Variants in DNAH11 observed in about 807,000 individuals in gnomAD.
DNAH11 encodes axonemal beta dynein heavy chain 11.
A neutral mutation model predicts 526.0 loss-of-function variants in DNAH11; 442 were observed. The ratio of observed to expected loss-of-function variants is 0.84; its 90% CI spans 0.78 to 0.91. The LOEUF (loss-of-function observed/expected upper bound fraction) is 0.91. Among genes scored for constraint, DNAH11 ranks in the 40% least tolerant of loss-of-function variants. The pLI is 0.00. For synonymous variants in DNAH11, 2,461 were observed against 1,935.9 expected (o/e 1.27, Z -7.12); for missense variants, 6,989 against 5,448.7 (o/e 1.28, Z -8.90).
intron 66 of DNAH11, among the ~76,000 whole-genome samples, chr7:21,849,355 C>G (rs1446274866): frequency 1.3e-5 from 2 of 152,212 alleles, no homozygotes; most frequent in African/African-American, 4.8e-5. Context: ...TTTGAACAGA[C>G]AGCTCAATTA....
At chr7:21,703,871 T>C (rs1583609864) in intron 37 of DNAH11, 1 of 152,330 alleles carries the variant, frequency 6.6e-6, no homozygotes, top group South Asian at 2.1e-4. Context: ...CTTAATTTCC[T>C]CGTAATTTAG....
chr7:21,716,960 A>G (rs1271713906), intron 42 of DNAH11, among the ~76,000 whole-genome samples: 2 of 152,144 alleles, frequency 1.3e-5, no homozygotes, highest in Non-Finnish European at 2.9e-5. Context: ...TGCAAGGTGT[A>G]GCTGAAATTG....
intron 14 of DNAH11, among the ~76,000 whole-genome samples, chr7:21,595,507 C>T (rs931879506): frequency 6.6e-6 from 1 of 152,046 alleles, no homozygotes; most frequent in Non-Finnish European, 1.5e-5. Flanking sequence ...GGATGTGGAG[C>T]ACGAAAGAAA....
intron 34 of DNAH11, among the ~76,000 whole-genome samples, chr7:21,688,708 C>G (rs1783487753): frequency 6.6e-6 from 1 of 152,224 alleles, no homozygotes. Flanking sequence ...CCTTCATGTT[C>G]TTGCAGTAAC....
chr7:21,621,272 GA>G (rs1196909448), intron 25 of DNAH11, among the ~76,000 whole-genome samples: 2 of 152,128 alleles, frequency 1.3e-5, no homozygotes, highest in African/African-American at 4.8e-5. Context: ...ACTAAACCAG[GA>G]AGAAGTTGAC....
At chr7:21,769,072 G>C (rs1436788100) in intron 55 of DNAH11, among the ~76,000 whole-genome samples, 1 of 117,358 alleles carries the variant, frequency 8.5e-6, no homozygotes, top group Non-Finnish European at 1.7e-5. Context: ...AGTAGAAATT[G>C]TGTGAATTTG....
chr7:21,649,258 A>G (rs1194083234), intron 28 of DNAH11, among the ~76,000 whole-genome samples: 1 of 152,208 alleles, frequency 6.6e-6, no homozygotes, highest in African/African-American at 2.4e-5. Flanking sequence ...GGAATATATC[A>G]TACATTTTTA....
chr7:21,674,652 TC>T (rs1283146706), intron 30 of DNAH11, among the ~76,000 whole-genome samples: 1 of 152,052 alleles, frequency 6.6e-6, no homozygotes, highest in Non-Finnish European at 1.5e-5. Context: ...TTTCTTTTCC[TC>T]TTTTCTTTTT....
chr7:21,860,749 A>T (rs1487160373), intron 68 of DNAH11, among the ~76,000 whole-genome samples: 3 of 152,196 alleles, frequency 2.0e-5, no homozygotes, highest in Non-Finnish European at 4.4e-5. Flanking sequence ...AGTGCTGATA[A>T]AGACATACCC....
At chr7:21,555,735 T>C (rs1057455718) in intron 2 of DNAH11, among the ~76,000 whole-genome samples, 3 of 152,202 alleles carry the variant, frequency 2.0e-5, no homozygotes, top group African/African-American at 7.2e-5. Context: ...TTGCCTCCAC[T>C]GCCTCCTGAA....
intron 39 of DNAH11, among the ~76,000 whole-genome samples, chr7:21,706,628 A>G (rs1008949739): frequency 3.9e-5 from 6 of 152,204 alleles, no homozygotes; most frequent in African/African-American, 1.4e-4. Flanking sequence ...AATGGTTTCT[A>G]AAAATATAAG....
intron 45 of DNAH11, 96 bp from the exon 46 acceptor site, chr7:21,735,544 C>A: frequency 1.0e-6 from 1 of 982,570 alleles, no homozygotes; most frequent in Non-Finnish European, 1.5e-6. Context: ...TATAAAGTGA[C>A]TGTGTTGAGT....
intron 66 of DNAH11, among the ~76,000 whole-genome samples, chr7:21,848,248 A>G (rs1411969225): frequency 1.3e-5 from 2 of 150,632 alleles, no homozygotes; most frequent in African/African-American, 4.9e-5. Flanking sequence ...GTTCTCAATA[A>G]TTTTTCTTAT....
chr7:21,879,075 T>A (rs1027154751), intron 74 of DNAH11, among the ~76,000 whole-genome samples: 4 of 152,222 alleles, frequency 2.6e-5, no homozygotes, highest in African/African-American at 9.7e-5. Context: ...GCTATTTTTC[T>A]TTTAATTTTA....
intron 6 of DNAH11, among the ~76,000 whole-genome samples, chr7:21,567,160 A>G (rs959327873): frequency 6.6e-6 from 1 of 152,198 alleles, no homozygotes; most frequent in Non-Finnish European, 1.5e-5. Context: ...AGCTTTCACT[A>G]TGACCTGTCA....
chr7:21,805,326 G>A (rs371854356), intron 62 of DNAH11, among the ~76,000 whole-genome samples: 11 of 152,028 alleles, frequency 7.2e-5, no homozygotes, highest in African/African-American at 2.2e-4. Context: ...TATGAGCTTC[G>A]CAAGAACAGG....
At position 21,733,414 on chromosome 7, in the gene DNAH11, G is replaced by A. The variant is rs138120617; in HGVS notation, c.7441-2226G>A. ...AAAAAAAAAGAAGCAGGGAAATGGG[G>A]GTCCCAAGAGCCAAAAGTGCCTGCT... is the stretch of plus-strand genomic sequence containing the variant. On this transcript the variant is annotated intron_variant, in intron 45 of 81. Transcript: ENST00000409508. 2.6e-5 allele frequency among the ~76,000 whole-genome samples: 4 copies of A among 152,184 alleles called. No homozygotes were observed. The East Asian group carries it at 7.7e-4, about 29-fold the overall frequency.
At position 21,625,865 on chromosome 7, in the gene DNAH11, A is replaced by G. The variant is rs111781174; in HGVS notation, c.4500+5787A>G. ...GCCACTGTGATTGGAAAAATACTTG[A>G]TGTTATTTTTGATCTTCTTAAGTTT... On this transcript the variant is annotated intron_variant, in intron 25 of 81. Transcript: ENST00000409508. 1.6e-3 allele frequency among the ~76,000 whole-genome samples: 238 copies of G among 152,100 alleles called. 1 individual carries two copies. The highest frequency in any genetic ancestry group is 5.6e-3 in the African/African-American group (231 of 41,510).
chr7:21,574,078 G>C (rs180779701), intron 8 of DNAH11, among the ~76,000 whole-genome samples: 2 of 152,274 alleles, frequency 1.3e-5, no homozygotes, highest in East Asian at 3.9e-4. Flanking sequence ...CTCAATTATT[G>C]AATGTTACTT....
Sources: gnomAD v4.1 joint callset for allele counts (sites outside exome capture counted in the v4.1 genomes callset) on GRCh38, gnomAD v4.1.1 for gene constraint, MANE v1.5 for transcripts, NCBI Gene and HGNC (gene_info 2026-07-23, HGNC 2026-07-21) for gene names.